ACSS3: variants seen among roughly 807,000 people sequenced by gnomAD.
The protein encoded by ACSS3 is acyl-CoA synthetase short-chain family member 3, mitochondrial.
In ACSS3, 64 loss-of-function variants were observed where a neutral mutation model predicts 84.2. The ratio of observed to expected loss-of-function variants is 0.76; its 90% CI spans 0.62 to 0.94. The LOEUF is 0.94. ACSS3 is among the 40% of genes least tolerant of loss of function. ACSS3 has a pLI of 0.00. For missense variants in ACSS3, 815 were observed against 867.6 expected, an observed-to-expected ratio of 0.94 and a Z score of 0.76; for synonymous variants, 317 against 310.1, an observed-to-expected ratio of 1.02 and a Z score of -0.23.
intron 7 of ACSS3, among the ~76,000 whole-genome samples, chr12:81,166,882 A>C (rs1199306490): frequency 6.6e-6 from 1 of 152,232 alleles, no homozygotes; most frequent in Admixed American, 6.5e-5. Flanking sequence ...CAGTGTGATT[A>C]AGCAAGAACC....
intron 8 of ACSS3, among the ~76,000 whole-genome samples, chr12:81,192,334 C>T (rs962077496): frequency 5.9e-5 from 9 of 152,096 alleles, no homozygotes; most frequent in Admixed American, 3.9e-4. Flanking sequence ...AAGCCGAGAC[C>T]GTGCTCTTGC....
chr12:81,237,708 A>T (rs2033672189), intron 13 of ACSS3, among the ~76,000 whole-genome samples: 1 of 151,652 alleles, frequency 6.6e-6, no homozygotes, highest in Admixed American at 6.6e-5. Context: ...TTTCAATGTT[A>T]ATTTGATTTT....
chr12:81,088,312 A>G (rs7131822), intron 1 of ACSS3, among the ~76,000 whole-genome samples: 9,856 of 152,056 alleles, frequency 0.065, 793 homozygotes, highest in African/African-American at 0.19. Flanking sequence ...AGTTACTGAG[A>G]TTTTGCAATC....
At chr12:81,220,104 T>A (rs368718207) in intron 11 of ACSS3, 28 bp downstream of exon 11, 1 of 1,446,040 alleles carries the variant, frequency 6.9e-7, no homozygotes, top group Non-Finnish European at 9.3e-7. Context: ...TACTACTATA[T>A]TAAAGGGCAA....
intron 1 of ACSS3, among the ~76,000 whole-genome samples, chr12:81,081,420 A>G (rs1438536166): frequency 5.3e-5 from 8 of 152,172 alleles, no homozygotes; most frequent in Admixed American, 4.6e-4. Context: ...GTTACTCCAT[A>G]TTGTTAACAC....
In ACSS3 at chr12:81,157,794, A is replaced by G. The variant is rs560845691; in HGVS notation, c.1098+5698A>G. Among the ~76,000 whole-genome samples, 8 of 152,296 alleles carry G rather than the reference A, an allele frequency of 5.3e-5. No individual in the cohort carries two copies. In the South Asian group the frequency reaches 1.7e-3, roughly 32 times the overall value. ...TGCACTCCAGCCTGGGCAACAGAGCAAGACTCCCTCTCAAAAAATAAATAA... is the reference window on the plus strand; with the variant it reads ...TGCACTCCAGCCTGGGCAACAGAGCGAGACTCCCTCTCAAAAAATAAATAA... On this transcript the variant is annotated intron_variant, in intron 7 of 15. Transcript: ENST00000548058.
intron 7 of ACSS3, among the ~76,000 whole-genome samples, chr12:81,173,273 G>A (rs1285129945): frequency 6.6e-6 from 1 of 152,150 alleles, no homozygotes; most frequent in African/African-American, 2.4e-5. Flanking sequence ...GCTGTATTTT[G>A]CAGCTTTTTG....
intron 9 of ACSS3, among the ~76,000 whole-genome samples, chr12:81,200,838 G>A (rs1434161933): frequency 3.5e-5 from 5 of 143,384 alleles, no homozygotes; most frequent in Non-Finnish European, 7.5e-5. Flanking sequence ...AGGTTGCGGT[G>A]AGCCAAGATC....
In ACSS3 at chr12:81,199,705, A is replaced by G. The variant is rs1014239188; in HGVS notation, c.1354+261A>G. ...CTTTATCTTCTCTTCTTTGTTTCTT[A>G]TATCTGGTAAGTTACTAAGTCTCAG... is the stretch of plus-strand genomic sequence containing the variant. On this transcript the variant is annotated intron_variant, in intron 9 of 15. Coordinates refer to ENST00000548058, the MANE Select transcript of ACSS3 (RefSeq NM_024560.4). 9.5e-6 allele frequency: 13 copies of G among 1,374,172 alleles called. No homozygotes were observed. The African/African-American group carries it at 1.6e-4, about 17-fold the overall frequency. The allele number at this position is 1,374,172 out of a possible 1,614,324, so 85.1% of individuals were successfully genotyped here.
intron 2 of ACSS3, among the ~76,000 whole-genome samples, chr12:81,131,085 G>T (rs1035125872): frequency 1.3e-5 from 2 of 152,074 alleles, no homozygotes; most frequent in African/African-American, 4.8e-5. Flanking sequence ...TTGTTCTTTT[G>T]GCTTAGGATT....
At chr12:81,137,352 CACACACACACA>C (rs1885861345) in intron 3 of ACSS3, among the ~76,000 whole-genome samples, 1 of 151,644 alleles carries the variant, frequency 6.6e-6, no homozygotes, top group Non-Finnish European at 1.5e-5. Context: ...CACACACACA[CACACACACACA>C]CCCCTAATAC....
chr12:81,171,071 T>A (rs1221977729), intron 7 of ACSS3, among the ~76,000 whole-genome samples: 1 of 152,184 alleles, frequency 6.6e-6, no homozygotes, highest in East Asian at 1.9e-4. Context: ...ACAAATAGCT[T>A]GCAGCATATA....
rs181669984 is a variant in ACSS3 at position 81,252,071 on chromosome 12, G to A, written c.1720-1236G>A. On this transcript the variant is annotated intron_variant, in intron 13 of 15. Transcript: ENST00000548058. ...TTGGTCTCTTTGAGGTATGAATGGTGCCTATGAAGTCCTTCCCCAGGGTTT... is the reference window on the plus strand; with the variant it reads ...TTGGTCTCTTTGAGGTATGAATGGTACCTATGAAGTCCTTCCCCAGGGTTT... Among the ~76,000 whole-genome samples, 335 of 152,110 alleles carry A rather than the reference G, an allele frequency of 2.2e-3. 3 individuals carry two copies. The highest frequency in any genetic ancestry group is 7.4e-3 in the African/African-American group (309 of 41,516).
intron 9 of ACSS3, among the ~76,000 whole-genome samples, chr12:81,209,172 G>C (rs1375234179): frequency 6.6e-6 from 1 of 151,960 alleles, no homozygotes; most frequent in Non-Finnish European, 1.5e-5. Flanking sequence ...GCATTAACTA[G>C]TCAGCAAACA....
chr12:81,202,087 G>GC (rs1157776230), intron 9 of ACSS3, among the ~76,000 whole-genome samples: 2 of 152,012 alleles, frequency 1.3e-5, no homozygotes, highest in East Asian at 3.9e-4. Context: ...AGACCAGCCT[G>GC]ACCAACATGG....
chr12:81,251,039 C>T (rs1252633008), intron 13 of ACSS3, among the ~76,000 whole-genome samples: 1 of 152,158 alleles, frequency 6.6e-6, no homozygotes, highest in Middle Eastern at 3.2e-3. Context: ...GTGTCACCCA[C>T]TCTCAACAAT....
At chr12:81,232,161 A>G (rs536058871) in intron 12 of ACSS3, among the ~76,000 whole-genome samples, 6 of 151,928 alleles carry the variant, frequency 3.9e-5, no homozygotes, top group African/African-American at 9.6e-5. Context: ...AGCCCAATCT[A>G]TCTGCATGAT....
At chr12:81,147,090 G>GTTGCACCC (rs1182513532) in intron 5 of ACSS3, among the ~76,000 whole-genome samples, 1 of 152,032 alleles carries the variant, frequency 6.6e-6, no homozygotes, top group East Asian at 1.9e-4. Context: ...TGCTGAACTG[G>GTTGCACCC]TTGCACCCTT....
chr12:81,082,541 C>T (rs1881053276), intron 1 of ACSS3, among the ~76,000 whole-genome samples: 2 of 152,052 alleles, frequency 1.3e-5, no homozygotes, highest in South Asian at 4.2e-4. Flanking sequence ...ATGAGGTAGA[C>T]ATGTTTAGTA....
Sources: allele counts gnomAD v4.1 joint callset (sites outside exome capture counted in the v4.1 genomes callset), GRCh38; gene constraint gnomAD v4.1.1; transcripts MANE v1.5; gene names NCBI Gene and HGNC (gene_info 2026-07-23, HGNC 2026-07-21).